Variants in FKTN observed in about 807,000 individuals in gnomAD.
FKTN encodes ribitol-5-phosphate transferase FKTN.
FKTN carries 47 observed loss-of-function variants against 58.6 expected under a neutral mutation model. That is an observed-to-expected ratio of 0.80 (90% CI 0.63 to 1.02). FKTN has a LOEUF of 1.02. Among genes scored for constraint, FKTN ranks in the 50% least tolerant of loss-of-function variants. The probability of loss-of-function intolerance (pLI) is 0.00; values close to 1 mark genes in which losing one functional copy is unlikely to be tolerated. For missense variants in FKTN, 516 were observed against 537.3 expected (o/e 0.96, Z 0.39); for synonymous variants, 178 against 191.9 (o/e 0.93, Z 0.60).
At chr9:105,634,987 C>A in intron 10 of FKTN, 64 bp from the exon 11 acceptor site, 1 of 1,269,124 alleles carries the variant, frequency 7.9e-7, no homozygotes, top group Non-Finnish European at 1.2e-6. Flanking sequence ...AATGCACTAG[C>A]AGCTAGATTC....
rs890828128 is a variant in FKTN, at chr9:105,636,762, A to G, written c.*1498A>G. 27 of 1,286,418 alleles carry G rather than the reference A, an allele frequency of 2.1e-5. No homozygotes were observed. The highest frequency in any genetic ancestry group is 2.2e-4 in the Middle Eastern group (1 of 4,636). The allele number at this position is 1,286,418 out of a possible 1,614,324, so 79.7% of individuals were successfully genotyped here. A position where few individuals can be genotyped will look rare whatever the true frequency, so the allele number is the denominator to read the frequency against. On this transcript the variant is annotated 3_prime_UTR_variant, in exon 11 of 11. Transcript: ENST00000357998. ...TTTTCCTCTGACACCAGAGAACAAT[A>G]GTAGTCTCAAGAATGGAAACCTGAA... is the stretch of plus-strand genomic sequence containing the variant.
chr9:105,571,313 CATT>C (rs1840697947), intron 1 of FKTN, among the ~76,000 whole-genome samples: 2 of 151,988 alleles, frequency 1.3e-5, no homozygotes, highest in African/African-American at 4.8e-5. Flanking sequence ...TTCAGTGTCA[CATT>C]ATTCATTTTT....
At chr9:105,611,813 G>C (rs1254764730) in intron 7 of FKTN, among the ~76,000 whole-genome samples, 1 of 152,152 alleles carries the variant, frequency 6.6e-6, no homozygotes, top group African/African-American at 2.4e-5. Context: ...ACACACACAT[G>C]TATGTGTCTT....
intron 1 of FKTN, among the ~76,000 whole-genome samples, chr9:105,572,406 T>C (rs549275047): frequency 4.7e-4 from 71 of 152,272 alleles, no homozygotes; most frequent in African/African-American, 1.7e-3. Flanking sequence ...GAGAAAGAGA[T>C]GTAATTACAT....
chr9:105,604,107 G>T, intron 5 of FKTN, 108 bp from the exon 6 acceptor site: 1 of 1,143,372 alleles, frequency 8.7e-7, no homozygotes, highest in South Asian at 1.3e-5. Flanking sequence ...ACAAAAATAT[G>T]GCTCAAGTTC....
At chr9:105,592,573 G>T (rs1845097229) in intron 3 of FKTN, among the ~76,000 whole-genome samples, 1 of 152,146 alleles carries the variant, frequency 6.6e-6, no homozygotes. Context: ...GATAGCAGAG[G>T]TTGCAGTGAG....
At chr9:105,582,617 T>A (rs1843208914) in intron 3 of FKTN, among the ~76,000 whole-genome samples, 1 of 152,216 alleles carries the variant, frequency 6.6e-6, no homozygotes, top group African/African-American at 2.4e-5. Flanking sequence ...TATATAATTT[T>A]AAAAATAACA....
intron 5 of FKTN, chr9:105,603,849 T>G (rs1218930245): frequency 3.2e-6 from 1 of 308,218 alleles, no homozygotes; most frequent in East Asian, 8.1e-5. Context: ...AAATTTTTGT[T>G]TGTATTTTTT....
At chr9:105,615,437 T>G (rs760736475) in intron 8 of FKTN, 30 bp downstream of exon 8, 11 of 1,611,684 alleles carry the variant, frequency 6.8e-6, no homozygotes, top group African/African-American at 4.0e-5. Flanking sequence ...CCATTTGTCT[T>G]TCTGTCATTT....
intron 6 of FKTN, 130 bp from the exon 7 acceptor site, chr9:105,607,689 A>G (rs1409714416): frequency 8.1e-6 from 6 of 744,428 alleles, no homozygotes; most frequent in Non-Finnish European, 1.2e-5. Flanking sequence ...TACATGTGCC[A>G]TGGTAGTTTG....
intron 10 of FKTN, among the ~76,000 whole-genome samples, chr9:105,626,540 A>G (rs1046410015): frequency 2.0e-5 from 3 of 152,216 alleles, no homozygotes. Context: ...GGATTTCAGC[A>G]TATGAATTTT....
intron 8 of FKTN, among the ~76,000 whole-genome samples, chr9:105,616,867 A>G (rs1380566777): frequency 1.4e-5 from 2 of 147,702 alleles, no homozygotes; most frequent in African/African-American, 4.9e-5. Flanking sequence ...GGAGCTTACT[A>G]CTAGAATAAG....
chr9:105,610,441 TC>T (rs777082093), intron 7 of FKTN, among the ~76,000 whole-genome samples: 7 of 152,030 alleles, frequency 4.6e-5, no homozygotes, highest in Non-Finnish European at 8.8e-5. Flanking sequence ...TATTTGCGAC[TC>T]CCTTTTCAAA....
At chr9:105,580,276 T>A (rs1415021589) in intron 3 of FKTN, among the ~76,000 whole-genome samples, 1 of 152,180 alleles carries the variant, frequency 6.6e-6, no homozygotes, top group Non-Finnish European at 1.5e-5. Context: ...GGTCTTTACA[T>A]TTTGGCATGA....
chr9:105,608,775 C>G (rs1829375259), intron 7 of FKTN, among the ~76,000 whole-genome samples: 1 of 152,210 alleles, frequency 6.6e-6, no homozygotes, highest in African/African-American at 2.4e-5. Flanking sequence ...CCAAGTGGGC[C>G]TTCGTAGCCC....
At chr9:105,608,654 T>C (rs1340255988) in intron 7 of FKTN, among the ~76,000 whole-genome samples, 2 of 152,200 alleles carry the variant, frequency 1.3e-5, no homozygotes, top group African/African-American at 4.8e-5. Flanking sequence ...AAGAAAGCTG[T>C]GTCCACGAGG....
chr9:105,638,811 C>T lies in FKTN; in HGVS notation c.*3547C>T, dbSNP rs886063336. 4.3e-5 allele frequency: 42 copies of T among 983,820 alleles called. No homozygotes were observed. The highest frequency in any genetic ancestry group is 1.2e-5 in the Non-Finnish European group (10 of 828,672). 60.9% of individuals were successfully genotyped at this position (983,820 alleles called of 1,614,324 possible). A position where few individuals can be genotyped will look rare whatever the true frequency, so the allele number is the denominator to read the frequency against. On this transcript the variant is annotated 3_prime_UTR_variant, in exon 11 of 11. Coordinates refer to ENST00000357998, the MANE Select transcript of FKTN (RefSeq NM_001079802.2). ...CAGGTAGTTAAGAATAGATTGTACT[C>T]ATTCCTTTTTGAGTTTGTGACCTCA...
intron 1 of FKTN, among the ~76,000 whole-genome samples, chr9:105,558,972 A>G (rs1374931320): frequency 2.0e-5 from 3 of 152,206 alleles, no homozygotes; most frequent in Non-Finnish European, 4.4e-5. Context: ...GAACGGTGAA[A>G]GAACTCTTAG....
intron 6 of FKTN, among the ~76,000 whole-genome samples, chr9:105,607,517 T>C (rs1236954305): frequency 6.6e-6 from 1 of 152,008 alleles, no homozygotes; most frequent in Admixed American, 6.6e-5. Context: ...AAACTATGCT[T>C]GATGTTTAGG....
Sources: allele counts gnomAD v4.1 joint callset (sites outside exome capture counted in the v4.1 genomes callset), GRCh38; gene constraint gnomAD v4.1.1; transcripts MANE v1.5; gene names NCBI Gene and HGNC (gene_info 2026-07-23, HGNC 2026-07-21).